MGMT: variants seen among roughly 807,000 people sequenced by gnomAD.
The protein encoded by MGMT is methylated-DNA--protein-cysteine methyltransferase.
In MGMT, 14 loss-of-function variants were observed where a neutral mutation model predicts 15.9. That is an observed-to-expected ratio of 0.88 (90% CI 0.58 to 1.37). The LOEUF (loss-of-function observed/expected upper bound fraction) is 1.37, where lower values mean the gene tolerates loss of function less well. MGMT is among the 40% of genes most tolerant of loss of function. The pLI is 0.00. For missense variants in MGMT, 282 were observed against 268.1 expected, an observed-to-expected ratio of 1.05 and a Z score of -0.36; for synonymous variants, 130 against 118.2, an observed-to-expected ratio of 1.10 and a Z score of -0.65.
chr10:129,539,723 G>T (rs940523839), intron 2 of MGMT, among the ~76,000 whole-genome samples: 2 of 152,072 alleles, frequency 1.3e-5, no homozygotes, highest in Non-Finnish European at 2.9e-5. Context: ...AGCCAGGATG[G>T]TCTCCATCTC....
intron 2 of MGMT, among the ~76,000 whole-genome samples, chr10:129,606,539 G>T (rs960107873): frequency 6.6e-6 from 1 of 152,188 alleles, no homozygotes; most frequent in Non-Finnish European, 1.5e-5. Flanking sequence ...TACATACTTT[G>T]AATGAAAAGT....
At chr10:129,663,436 T>C (rs1420127757) in intron 2 of MGMT, among the ~76,000 whole-genome samples, 1 of 150,476 alleles carries the variant, frequency 6.6e-6, no homozygotes. Flanking sequence ...CAGAAAACTA[T>C]GAAAAATTAA....
chr10:129,648,327 A>G (rs915556636), intron 2 of MGMT, among the ~76,000 whole-genome samples: 58 of 152,240 alleles, frequency 3.8e-4, no homozygotes, highest in Non-Finnish European at 7.3e-5. Flanking sequence ...AAAACAATTC[A>G]TTTAAAGCAT....
chr10:129,756,290 G>A (rs1239071448), intron 3 of MGMT, among the ~76,000 whole-genome samples: 3 of 152,136 alleles, frequency 2.0e-5, no homozygotes, highest in Non-Finnish European at 2.9e-5. Context: ...AAGGTACCCA[G>A]CACCACAGGA....
intron 3 of MGMT, among the ~76,000 whole-genome samples, chr10:129,711,392 G>A (rs1392784467): frequency 5.3e-5 from 8 of 152,196 alleles, no homozygotes; most frequent in African/African-American, 1.9e-4. Context: ...TCTGCCAAGG[G>A]ACAGTGAAGC....
chr10:129,543,827 C>T (rs1032009292), intron 2 of MGMT, among the ~76,000 whole-genome samples: 24 of 152,144 alleles, frequency 1.6e-4, no homozygotes, highest in African/African-American at 5.6e-4. Flanking sequence ...TTAAGTCTGC[C>T]AGGAACTTCT....
intron 3 of MGMT, among the ~76,000 whole-genome samples, chr10:129,737,509 G>A (rs1256344985): frequency 6.6e-6 from 1 of 151,988 alleles, no homozygotes; most frequent in Non-Finnish European, 1.5e-5. Flanking sequence ...ATGTCCTCCC[G>A]TAGCTCGGAG....
rs535435377 is a variant in MGMT, at chr10:129,598,797, C to G, written c.125+62420C>G. Among the ~76,000 whole-genome samples, 3 of 152,166 alleles carry G rather than the reference C, an allele frequency of 2.0e-5. No homozygotes were observed. The East Asian group carries it at 5.8e-4, about 29-fold the overall frequency. On this transcript the variant is annotated intron_variant, in intron 2 of 4. Coordinates refer to ENST00000651593, the MANE Select transcript of MGMT (RefSeq NM_002412.5). The stretch of plus-strand genomic sequence containing the variant: ...AAGTAGAGACGACTTGCCCACACCC[C>G]CTCCTGGGCTCACACTCCATGCGGA...
chr10:129,652,450 A>C (rs1341284314), intron 2 of MGMT, among the ~76,000 whole-genome samples: 1 of 152,200 alleles, frequency 6.6e-6, no homozygotes, highest in African/African-American at 2.4e-5. Context: ...TCCTGAGGGA[A>C]CGGAGGAGAC....
intron 2 of MGMT, among the ~76,000 whole-genome samples, chr10:129,697,332 G>C (rs78291713): frequency 2.6e-4 from 39 of 152,314 alleles, no homozygotes; most frequent in African/African-American, 9.4e-4. Flanking sequence ...GTCATGATGA[G>C]GAGTGACCAC....
chr10:129,724,683 G>A (rs1041977909), intron 3 of MGMT, among the ~76,000 whole-genome samples: 8 of 152,124 alleles, frequency 5.3e-5, no homozygotes, highest in African/African-American at 1.7e-4. Context: ...ATGGATATGG[G>A]GTGGAGAGAT....
intron 2 of MGMT, among the ~76,000 whole-genome samples, chr10:129,554,261 C>T (rs537579438): frequency 6.6e-6 from 1 of 152,334 alleles, no homozygotes; most frequent in Non-Finnish European, 1.5e-5. Flanking sequence ...TTAGCAAATA[C>T]AGAAAGTACA....
At chr10:129,480,520 GAA>G (rs1378548859) in intron 1 of MGMT, among the ~76,000 whole-genome samples, 1 of 152,090 alleles carries the variant, frequency 6.6e-6, no homozygotes, top group African/African-American at 2.4e-5. Context: ...TTCTCCTTAG[GAA>G]AGTCATTTAG....
intron 2 of MGMT, among the ~76,000 whole-genome samples, chr10:129,664,912 A>T (rs1847639938): frequency 6.6e-6 from 1 of 152,210 alleles, no homozygotes; most frequent in South Asian, 2.1e-4. Flanking sequence ...CTACATGCTT[A>T]TTAGAATGGC....
chr10:129,589,339 G>A (rs532929100), intron 2 of MGMT, among the ~76,000 whole-genome samples: 2 of 152,336 alleles, frequency 1.3e-5, no homozygotes, highest in Non-Finnish European at 2.9e-5. Context: ...TCACGGGAGT[G>A]TGGGGCCTGG....
chr10:129,736,307 A>G lies in MGMT; in HGVS notation c.275-22895A>G, dbSNP rs544752646. On this transcript the variant is annotated intron_variant, in intron 3 of 4. Coordinates refer to ENST00000651593, the MANE Select transcript of MGMT (RefSeq NM_002412.5). ...TTCTTGTTGAATTGATCCCTTTACC[A>G]TTAAGTAATGGCCTTCTTTGTCTCT... Among the ~76,000 whole-genome samples the G allele has an allele frequency of 5.3e-5, 8 of 151,840 alleles. No individual in the cohort carries two copies. In the South Asian group the frequency reaches 1.7e-3, roughly 32 times the overall value.
At chr10:129,552,416 G>A (rs1846168006) in intron 2 of MGMT, among the ~76,000 whole-genome samples, 1 of 152,218 alleles carries the variant, frequency 6.6e-6, no homozygotes, top group Non-Finnish European at 1.5e-5. Flanking sequence ...GCACCCCAGA[G>A]GTCAGTGACA....
rs755300788 is a variant in MGMT, at chr10:129,768,472, G to A, written c.*1475G>A. Among the ~76,000 whole-genome samples the A allele has an allele frequency of 6.6e-5, 10 of 152,236 alleles. No homozygotes were observed. The highest frequency in any genetic ancestry group is 2.1e-4 in the South Asian group (1 of 4,836). ...CTCAGGTGCCGCACGCCGCGTCACC[G>A]TCAGGACTCGCAGGCTGTCTGGTCA... On this transcript the variant is annotated 3_prime_UTR_variant, in exon 5 of 5. Transcript: ENST00000651593.
intron 3 of MGMT, among the ~76,000 whole-genome samples, chr10:129,727,312 A>G (rs1848445376): frequency 6.6e-6 from 1 of 152,210 alleles, no homozygotes; most frequent in African/African-American, 2.4e-5. Context: ...ATGTCAGAGG[A>G]CATACAGGCA....
Sources: gnomAD v4.1 joint callset for allele counts (sites outside exome capture counted in the v4.1 genomes callset) on GRCh38, gnomAD v4.1.1 for gene constraint, MANE v1.5 for transcripts, NCBI Gene and HGNC (gene_info 2026-07-23, HGNC 2026-07-21) for gene names.